WDR27: variants seen among roughly 807,000 people sequenced by gnomAD.
The protein encoded by WDR27 is WD repeat-containing protein 27.
In WDR27, 100 loss-of-function variants were observed where a neutral mutation model predicts 114.4. That is an observed-to-expected ratio of 0.87 (90% CI 0.74 to 1.03). WDR27 has a LOEUF of 1.03. WDR27 is among the 50% of genes least tolerant of loss of function. The probability of loss-of-function intolerance (pLI) is 0.00; values close to 1 mark genes in which losing one functional copy is unlikely to be tolerated. For synonymous variants in WDR27, 449 were observed against 423.1 expected (o/e 1.06, Z -0.75); for missense variants, 1,129 against 1,092.9 (o/e 1.03, Z -0.47).
chr6:169,511,759 T>A lies in WDR27; in HGVS notation c.2646-54125A>T, dbSNP rs868612443. ...CTGAGTACCCAAATTATACTTAATATCTTCAGCTACTATTCATATCTGCCA... is the reference window on the plus strand; with the variant it reads ...CTGAGTACCCAAATTATACTTAATAACTTCAGCTACTATTCATATCTGCCA... On this transcript the variant is annotated intron_variant, in intron 25 of 25. Coordinates refer to ENST00000448612, the MANE Select transcript of WDR27 (RefSeq NM_182552.5). 2.0e-5 allele frequency among the ~76,000 whole-genome samples: 3 copies of A among 152,206 alleles called. 1 individual carries two copies. The highest frequency in any genetic ancestry group is 6.3e-3 in the Middle Eastern group (2 of 316).
At chr6:169,560,969 T>C (rs1799596828) in intron 25 of WDR27, among the ~76,000 whole-genome samples, 1 of 152,142 alleles carries the variant, frequency 6.6e-6, no homozygotes, top group Non-Finnish European at 1.5e-5. Flanking sequence ...TTTGTTCTTA[T>C]TATTTAAATA....
At position 169,516,820 on chromosome 6, in the gene WDR27, C is replaced by CACAG. The variant is rs1554278324; in HGVS notation, c.2645+55598_2645+55599insCTGT. On this transcript the variant is annotated intron_variant, in intron 25 of 25. Coordinates refer to ENST00000448612, the MANE Select transcript of WDR27 (RefSeq NM_182552.5). ...ACACACACACACACACACACACACA[C>CACAG]ACACACACACACACACCCCTCCCTT... Among the ~76,000 whole-genome samples, 347 of 151,412 alleles carry CACAG rather than the reference C, an allele frequency of 2.3e-3. 1 individual carries two copies. Among genetic ancestry groups the CACAG allele is most frequent in the African/African-American group, 7.8e-3 (323 of 41,344 alleles).
At chr6:169,593,860 CAAACAAACAAACAAACAAA>C (rs888458392) in intron 23 of WDR27, among the ~76,000 whole-genome samples, 79 of 59,716 alleles carry the variant, frequency 1.3e-3, no homozygotes, top group African/African-American at 2.9e-3. Flanking sequence ...AAAAAACAAA[CAAACAAACAAACAAACAAA>C]AAACAAAAAA....
intron 23 of WDR27, among the ~76,000 whole-genome samples, chr6:169,587,523 A>T (rs149055081): frequency 6.6e-6 from 1 of 152,110 alleles, no homozygotes; most frequent in Non-Finnish European, 1.5e-5. Flanking sequence ...CCGGCCCTCA[A>T]TGATTTCCTT....
In WDR27 at chr6:169,647,830, C is replaced by T. The variant is rs199890117; in HGVS notation, c.1600G>A (p.Gly534Ser). The T allele has an allele frequency of 1.6e-4, 249 of 1,583,312 alleles. 1 individual carries two copies. In the East Asian group the frequency reaches 5.1e-3, roughly 33 times the overall value. Residue 534 changes from glycine to serine, a missense_variant, in exon 16 of 26, where the codon GGC becomes AGC. Coordinates refer to ENST00000448612, the MANE Select transcript of WDR27 (RefSeq NM_182552.5). ...GTGGGGGCGGCAGCGACCTGGGGGC[C>T]GGGCTTGGTGGGCACAGCGCACTCC... ...PVECAVPTKP[G>S]PQVAAAPTCT...
At chr6:169,664,814 CA>C in intron 7 of WDR27, 1 of 995,858 alleles carries the variant, frequency 1.0e-6, no homozygotes, top group Non-Finnish European at 1.2e-6. Context: ...GGTTTTTCAA[CA>C]GTGTGTAAAG....
chr6:169,591,936 G>A (rs1468282070), intron 23 of WDR27, among the ~76,000 whole-genome samples: 6 of 151,550 alleles, frequency 4.0e-5, no homozygotes, highest in Non-Finnish European at 8.8e-5. Flanking sequence ...CTCCACCCAG[G>A]GAGTTCTGGC....
At chr6:169,560,273 G>T (rs976579605) in intron 25 of WDR27, among the ~76,000 whole-genome samples, 1 of 152,176 alleles carries the variant, frequency 6.6e-6, no homozygotes, top group Non-Finnish European at 1.5e-5. Flanking sequence ...CTGCCACCAT[G>T]TAAAAAGTGC....
At chr6:169,520,544 C>A (rs1794244264) in intron 25 of WDR27, among the ~76,000 whole-genome samples, 1 of 151,958 alleles carries the variant, frequency 6.6e-6, no homozygotes, top group African/African-American at 2.4e-5. Flanking sequence ...CTCAAACATA[C>A]AAAGCTGGGA....
chr6:169,649,115 T>C, intron 15 of WDR27, 83 bp downstream of exon 15: 1 of 1,150,560 alleles, frequency 8.7e-7, no homozygotes. Context: ...AGGTTTTATA[T>C]CTGTTTGGAA....
At chr6:169,486,840 T>C (rs1788987384) in intron 25 of WDR27, among the ~76,000 whole-genome samples, 1 of 152,242 alleles carries the variant, frequency 6.6e-6, no homozygotes, top group Non-Finnish European at 1.5e-5. Flanking sequence ...TCACAGGCAC[T>C]GAGACCAGTT....
chr6:169,621,269 TAC>T (rs146516854), intron 21 of WDR27, among the ~76,000 whole-genome samples: 4,022 of 150,488 alleles, frequency 0.027, 144 homozygotes, highest in African/African-American at 0.085. Context: ...CATTCATGCA[TAC>T]ACACACACAC....
At chr6:169,694,306 T>G (rs936012251) in intron 1 of WDR27, among the ~76,000 whole-genome samples, 2 of 152,068 alleles carry the variant, frequency 1.3e-5, no homozygotes, top group Non-Finnish European at 2.9e-5. Context: ...AGCGAAACTT[T>G]GTCTCAAAAA....
the WDR27 span, among the ~76,000 whole-genome samples, chr6:169,437,136 A>T: frequency 6.6e-6 from 1 of 152,208 alleles, no homozygotes; most frequent in Non-Finnish European, 1.5e-5. Flanking sequence ...CCAATATTTT[A>T]AAAAGGGAAA....
chr6:169,657,278 C>T (rs1824484005), intron 13 of WDR27, among the ~76,000 whole-genome samples: 1 of 152,204 alleles, frequency 6.6e-6, no homozygotes, highest in Non-Finnish European at 1.5e-5. Context: ...GTGTTCGAGG[C>T]CTGATTTCAA....
the WDR27 span, among the ~76,000 whole-genome samples, chr6:169,449,479 G>A: frequency 6.6e-6 from 1 of 152,120 alleles, no homozygotes; most frequent in South Asian, 2.1e-4. Context: ...AACGTGGGAA[G>A]GGGAACACGT....
At chr6:169,651,640 C>T (rs555641037) in intron 14 of WDR27, among the ~76,000 whole-genome samples, 21 of 152,258 alleles carry the variant, frequency 1.4e-4, no homozygotes, top group Admixed American at 1.1e-3. Flanking sequence ...CAGCCCCACA[C>T]CCCACCAGCT....
intron 1 of WDR27, among the ~76,000 whole-genome samples, chr6:169,690,943 C>T (rs1028791705): frequency 6.6e-6 from 1 of 152,166 alleles, no homozygotes; most frequent in African/African-American, 2.4e-5. Context: ...AGGCCGGGCA[C>T]GGTCGCTCAC....
At chr6:169,664,534 C>T (rs1280202439) in intron 7 of WDR27, 16 of 1,356,210 alleles carry the variant, frequency 1.2e-5, no homozygotes, top group Non-Finnish European at 1.5e-5. Context: ...CAGGATCCTA[C>T]TGTGCAGGCC....
Sources: gnomAD v4.1 joint callset for allele counts (sites outside exome capture counted in the v4.1 genomes callset) on GRCh38, gnomAD v4.1.1 for gene constraint, MANE v1.5 for transcripts, NCBI Gene and HGNC (gene_info 2026-07-23, HGNC 2026-07-21) for gene names.